BRD7: variants seen among roughly 807,000 people sequenced by gnomAD.
BRD7 encodes the protein bromodomain-containing protein 7.
BRD7 carries 15 observed loss-of-function variants against 82.1 expected under a neutral mutation model. That is an observed-to-expected ratio of 0.18 (90% CI 0.12 to 0.28). The LOEUF (loss-of-function observed/expected upper bound fraction) is 0.28, where lower values mean the gene tolerates loss of function less well. Among genes scored for constraint, BRD7 ranks in the 10% least tolerant of loss-of-function variants. BRD7 has a pLI of 1.00. For missense variants in BRD7, 638 were observed against 779.9 expected, an observed-to-expected ratio of 0.82 and a Z score of 2.17; for synonymous variants, 232 against 266.9, an observed-to-expected ratio of 0.87 and a Z score of 1.27.
At position 50,316,488 on chromosome 16, in the gene BRD7, A is replaced by T. The variant is rs890595925; in HGVS notation, c.*2723T>A. On this transcript the variant is annotated 3_prime_UTR_variant, in exon 17 of 17. Transcript: ENST00000394688. ...AGAAAGGAATGGAGTCTGTTTAGAG[A>T]CAACTTGGACAACCTGTGAGTGCAT... 3 of 152,318 alleles carry T rather than the reference A, an allele frequency of 2.0e-5. No homozygotes were observed. The highest frequency in any genetic ancestry group is 4.4e-5 in the Non-Finnish European group (3 of 68,036). The allele number at this position is 152,318 out of a possible 1,614,324, so 9.4% of individuals were successfully genotyped here.
rs2037018887 is a variant in BRD7 at position 50,319,995 on chromosome 16, G to T, written c.1792C>A (p.Gln598Lys). ...ACGATATCACCTGGAGTTACTTGCT[G>T]TGCAAGTTCTTTAAGATTATTGGTC... ...QVTNNLKELA[Q>K]QVTPGDIVST... Residue 598 changes from glutamine to lysine, a missense_variant, in exon 16 of 17, where the codon CAG becomes AAG. Around this residue, in one of 3 missense-constraint regions of BRD7, gnomAD observed 402 missense variants for 500.8 expected, o/e 0.80. Transcript: ENST00000394688. 1 of 1,611,392 alleles carries T rather than the reference G, an allele frequency of 6.2e-7. No homozygotes were observed. The highest frequency in any genetic ancestry group is 8.5e-7 in the Non-Finnish European group (1 of 1,179,190).
intron 15 of BRD7, 105 bp from the exon 16 acceptor site, chr16:50,320,135 A>G: frequency 4.2e-6 from 6 of 1,422,728 alleles, no homozygotes; most frequent in Middle Eastern, 2.0e-4. Flanking sequence ...AAACAAAAAA[A>G]CTGTCCCTGG....
At chr16:50,343,670 A>G (rs1191989990) in intron 5 of BRD7, among the ~76,000 whole-genome samples, 1 of 152,226 alleles carries the variant, frequency 6.6e-6, no homozygotes. Flanking sequence ...CGCATGGCTC[A>G]GAGGGTCCCA....
intron 11 of BRD7, 96 bp from the exon 12 acceptor site, chr16:50,323,794 T>C (rs1276005234): frequency 1.2e-6 from 1 of 813,102 alleles, no homozygotes; most frequent in South Asian, 1.5e-5. Context: ...TCCTCGGTTA[T>C]ACATCATGAC....
intron 2 of BRD7, among the ~76,000 whole-genome samples, chr16:50,363,635 GTGTGTT>G (rs1274233145): frequency 1.4e-4 from 11 of 78,016 alleles, no homozygotes; most frequent in African/African-American, 6.7e-4. Flanking sequence ...GCTTTACGTT[GTGTGTT>G]TGTGTGTGTG....
At position 50,350,042 on chromosome 16, in the gene BRD7, T is replaced by C. The variant is rs776726590; in HGVS notation, c.572A>G (p.Gln191Arg). The C allele has an allele frequency of 6.3e-7, 1 of 1,598,212 alleles. No homozygotes were observed. The highest frequency in any genetic ancestry group is 8.5e-7 in the Non-Finnish European group (1 of 1,175,290). The part of the protein sequence containing the change: ...MKEKIKNNDY[Q>R]SIEELKDNFK... ...AGTTACCTTTAGTTCTTCTATGGACTGATAGTCATTGTTCTTGATCTTTTC... is the reference window on the plus strand; with the variant it reads ...AGTTACCTTTAGTTCTTCTATGGACCGATAGTCATTGTTCTTGATCTTTTC... The change falls in exon 5 of 17, where the codon CAG becomes CGG. Residue 191 changes from glutamine to arginine, a missense_variant. By Grantham distance (43) the Gln-to-Arg change is conservative. This residue lies in a region of BRD7 where 64 missense variants were observed against 123.8 expected (regional missense o/e 0.52). Transcript: ENST00000394688.
At chr16:50,341,938 A>ACACACG (rs2038077673) in intron 5 of BRD7, among the ~76,000 whole-genome samples, 1 of 148,958 alleles carries the variant, frequency 6.7e-6, no homozygotes, top group South Asian at 2.1e-4. Context: ...TCACACACAC[A>ACACACG]CACACACACA....
At position 50,325,874 on chromosome 16, in the gene BRD7, A is replaced by C; in HGVS notation, c.1205T>G (p.Leu402Trp). The change falls in exon 11 of 17, where the codon TTG becomes TGG. Residue 402 changes from leucine to tryptophan, a missense_variant. Leu to Trp is a moderately conservative substitution (Grantham distance 61). Coordinates refer to ENST00000394688, the MANE Select transcript of BRD7 (RefSeq NM_013263.5). Reference sequence around the variant, plus strand: ...ATAAGAACTGTAGGGCCCATAATTCAAATATAACACTGTTGAAAAAATCAA... The same window carrying C: ...ATAAGAACTGTAGGGCCCATAATTCCAATATAACACTGTTGAAAAAATCAA... ...KRNKVTPVLY[L>W]NYGPYSSYAP... 1 of 1,595,878 alleles carries C rather than the reference A, an allele frequency of 6.3e-7. No individual in the cohort carries two copies. The highest frequency in any genetic ancestry group is 8.5e-7 in the Non-Finnish European group (1 of 1,175,560).
intron 12 of BRD7, among the ~76,000 whole-genome samples, chr16:50,323,200 G>T (rs1188005910): frequency 6.6e-6 from 1 of 152,206 alleles, no homozygotes; most frequent in Non-Finnish European, 1.5e-5. Flanking sequence ...TTTTTAACTT[G>T]AGGTTCCTCC....
intron 16 of BRD7, 124 bp downstream of exon 16, chr16:50,319,763 G>C: frequency 8.0e-7 from 1 of 1,253,368 alleles, no homozygotes; most frequent in Non-Finnish European, 1.1e-6. Flanking sequence ...AGCATCTACA[G>C]ATTTTGCTAT....
At chr16:50,363,168 T>C (rs1262390499) in intron 2 of BRD7, among the ~76,000 whole-genome samples, 1 of 152,260 alleles carries the variant, frequency 6.6e-6, no homozygotes, top group East Asian at 1.9e-4. Flanking sequence ...TTTTTATAAA[T>C]CATTTTATCA....
chr16:50,342,242 C>G (rs889876365), intron 5 of BRD7, among the ~76,000 whole-genome samples: 2 of 152,020 alleles, frequency 1.3e-5, no homozygotes, highest in Admixed American at 1.3e-4. Context: ...CAGAAATATG[C>G]TGAAATAAAC....
rs2036822668 is a variant in BRD7 at position 50,316,818 on chromosome 16, A to ACCGGTGG, written c.*2386_*2392dup. 6.6e-6 allele frequency: 1 copy of ACCGGTGG among 152,334 alleles called. No homozygotes were observed. The highest frequency in any genetic ancestry group is 2.1e-4 in the South Asian group (1 of 4,834). 9.4% of individuals were successfully genotyped at this position (152,334 alleles called of 1,614,324 possible). On this transcript the variant is annotated 3_prime_UTR_variant, in exon 17 of 17. Coordinates refer to ENST00000394688, the MANE Select transcript of BRD7 (RefSeq NM_013263.5). ...ATGGACTTCATAACCGGAAGACTTA[A>ACCGGTGG]CCGGTGGCCTCATCACCAGAGCATC...
At chr16:50,320,862 C>G in intron 13 of BRD7, 88 bp from the exon 14 acceptor site, 1 of 874,630 alleles carries the variant, frequency 1.1e-6, no homozygotes. Context: ...CATGTATTTA[C>G]AGGCAAAGTT....
intron 10 of BRD7, 32 bp downstream of exon 10, chr16:50,326,252 G>C (rs914655876): frequency 5.8e-6 from 9 of 1,562,584 alleles, no homozygotes; most frequent in East Asian, 4.5e-5. Flanking sequence ...AAACAGAGAA[G>C]AGAAAAAATG....
intron 8 of BRD7, 27 bp from the exon 9 acceptor site, chr16:50,328,771 G>C (rs745659123): frequency 1.9e-6 from 3 of 1,604,868 alleles, no homozygotes; most frequent in Non-Finnish European, 2.6e-6. Context: ...TATTCAGATG[G>C]AATGAAGTGT....
intron 11 of BRD7, among the ~76,000 whole-genome samples, 161 bp downstream of exon 11, chr16:50,325,587 A>T (rs1191943181): frequency 6.6e-6 from 1 of 152,224 alleles, no homozygotes; most frequent in Non-Finnish European, 1.5e-5. Context: ...TCTCCACTAA[A>T]GGATAATAGT....
At chr16:50,339,104 T>G (rs1182660363) in intron 6 of BRD7, among the ~76,000 whole-genome samples, 1 of 152,258 alleles carries the variant, frequency 6.6e-6, no homozygotes, top group East Asian at 1.9e-4. Flanking sequence ...TTTCCTGCAG[T>G]TTGATGATGA....
rs2037014943 is a variant in BRD7 at position 50,319,936 on chromosome 16, A to G, written c.1851T>C (p.Ile617=). ...TTTCCATGACGGGGGAAGGAATGGA[A>G]ATCCCCATTGCTTTTCGAACTCCAT... ...STYGVRKAMG[I]SIPSPVMENN... The change falls in exon 16 of 17, where the codon ATT becomes ATC. Residue 617 remains isoleucine, a synonymous_variant. Transcript: ENST00000394688. The G allele has an allele frequency of 6.2e-7, 1 of 1,612,640 alleles. No homozygotes were observed. The highest frequency in any genetic ancestry group is 2.1e-4 in the Middle Eastern group (1 of 4,826).
Sources: gnomAD v4.1 joint callset for allele counts (sites outside exome capture counted in the v4.1 genomes callset) on GRCh38, gnomAD v4.1.1 for gene constraint, gnomAD v4.1.1 regional missense constraint, MANE v1.5 for transcripts, NCBI Gene and HGNC (gene_info 2026-07-23, HGNC 2026-07-21) for gene names.